Variants in NPHP4 observed in about 807,000 individuals in gnomAD.
The protein encoded by NPHP4 is nephrocystin 4, also known as nephrocystin-4.
NPHP4 carries 151 observed loss-of-function variants against 155.8 expected under a neutral mutation model. That is an observed-to-expected ratio of 0.97 (90% CI 0.85 to 1.11). NPHP4 has a LOEUF of 1.11. Among genes scored for constraint, NPHP4 ranks in the 50% least tolerant of loss-of-function variants. The pLI is 0.00. For synonymous variants in NPHP4, 845 were observed against 816.8 expected, an observed-to-expected ratio of 1.03 and a Z score of -0.59; for missense variants, 1,956 against 1,925.7, an observed-to-expected ratio of 1.02 and a Z score of -0.29.
chr1:5,870,709 G>T (rs569326467), intron 23 of NPHP4, among the ~76,000 whole-genome samples: 1 of 152,200 alleles, frequency 6.6e-6, no homozygotes, highest in South Asian at 2.1e-4. Flanking sequence ...AAAGCAACAC[G>T]GTGTCCCTCA....
intron 10 of NPHP4, among the ~76,000 whole-genome samples, chr1:5,928,475 T>C (rs569144400): frequency 1.3e-5 from 2 of 152,362 alleles, no homozygotes; most frequent in African/African-American, 4.8e-5. Context: ...AACATTTGGG[T>C]AGTTTCTGGT....
chr1:5,954,631 C>T (rs559173139), intron 6 of NPHP4, among the ~76,000 whole-genome samples: 2 of 152,314 alleles, frequency 1.3e-5, no homozygotes, highest in South Asian at 2.1e-4. Flanking sequence ...GCTGGACAAA[C>T]TGGACACCCA....
chr1:5,879,610 C>T (rs770211513), intron 19 of NPHP4: 2 of 519,208 alleles, frequency 3.9e-6, no homozygotes, highest in South Asian at 2.8e-5. Flanking sequence ...CTCCAAACAG[C>T]ACAGTCGCCT....
At chr1:5,986,110 A>T (rs759214382) in intron 2 of NPHP4, 45 bp downstream of exon 2, 3 of 1,608,314 alleles carry the variant, frequency 1.9e-6, no homozygotes, top group Non-Finnish European at 2.6e-6. Flanking sequence ...GCCTCATGTC[A>T]GCTAAGAGCA....
intron 11 of NPHP4, among the ~76,000 whole-genome samples, chr1:5,917,198 G>A (rs1221603928): frequency 6.6e-6 from 1 of 152,044 alleles, no homozygotes. Flanking sequence ...CACCAAGAAG[G>A]GTGTGTGACC....
chr1:5,865,290 G>A lies in NPHP4; in HGVS notation c.3645-17C>T. 1 of 1,526,222 alleles carries A rather than the reference G, an allele frequency of 6.6e-7. No homozygotes were observed. Among genetic ancestry groups the A allele is most frequent in the Non-Finnish European group, 8.9e-7 (1 of 1,128,572 alleles). 94.5% of individuals were successfully genotyped at this position (1,526,222 alleles called of 1,614,324 possible). A position where few individuals can be genotyped will look rare whatever the true frequency, so the allele number is the denominator to read the frequency against. On this transcript the variant is annotated splice_polypyrimidine_tract_variant and intron_variant, in intron 26 of 29. Transcript: ENST00000378156. ...CAGCGATCCCTGCAGTGGGATGGGA[G>A]CCATCTGCACTTGTCCCGGAGGACT...
chr1:5,873,895 A>C, intron 22 of NPHP4: 1 of 196,980 alleles, frequency 5.1e-6, no homozygotes. Flanking sequence ...CATCTCACAG[A>C]CCCCTACACG....
At chr1:5,913,138 T>C (rs1047320678) in intron 11 of NPHP4, among the ~76,000 whole-genome samples, 1 of 114,646 alleles carries the variant, frequency 8.7e-6, no homozygotes, top group Non-Finnish European at 1.7e-5. Flanking sequence ...GCAAAAAGAG[T>C]GAGACTCCAT....
intron 6 of NPHP4, among the ~76,000 whole-genome samples, chr1:5,956,630 G>T (rs1250279065): frequency 2.0e-5 from 3 of 152,158 alleles, no homozygotes; most frequent in Non-Finnish European, 4.4e-5. Context: ...GAGAGGCCAG[G>T]CCTGGACAAA....
At chr1:5,868,321 G>C (rs1342441800) in intron 23 of NPHP4, 1 of 322,890 alleles carries the variant, frequency 3.1e-6, no homozygotes, top group Non-Finnish European at 6.0e-6. Flanking sequence ...GGTCAAGCAC[G>C]TCAGCACAAG....
At chr1:5,887,581 G>T in intron 17 of NPHP4, 115 bp from the exon 18 acceptor site, 1 of 1,145,162 alleles carries the variant, frequency 8.7e-7, no homozygotes, top group African/African-American at 1.5e-5. Context: ...GGGCGGGAGG[G>T]GGTGTGCGCA....
intron 9 of NPHP4, among the ~76,000 whole-genome samples, chr1:5,938,620 C>T (rs768451844): frequency 1.4e-4 from 22 of 152,246 alleles, no homozygotes; most frequent in Non-Finnish European, 2.6e-4. Flanking sequence ...ACAGGCTGTG[C>T]GCTGTCATTT....
At chr1:5,985,535 C>A (rs865963838) in intron 2 of NPHP4, among the ~76,000 whole-genome samples, 1 of 152,258 alleles carries the variant, frequency 6.6e-6, no homozygotes, top group Middle Eastern at 3.2e-3. Context: ...GCGGGCCATG[C>A]TGAGCCATGC....
chr1:5,932,778 C>T (rs1333940278), intron 10 of NPHP4, among the ~76,000 whole-genome samples: 1 of 152,088 alleles, frequency 6.6e-6, no homozygotes, highest in Non-Finnish European at 1.5e-5. Flanking sequence ...AAACCAGAAC[C>T]GGCTCCCACC....
chr1:5,978,523 G>A (rs4908639), intron 2 of NPHP4, 110 bp from the exon 3 acceptor site: 1 of 967,782 alleles, frequency 1.0e-6, no homozygotes, highest in Non-Finnish European at 1.6e-6. Flanking sequence ...ATATCAGCAC[G>A]CTGGTTTCCT....
intron 7 of NPHP4, among the ~76,000 whole-genome samples, chr1:5,950,102 C>T (rs1279316026): frequency 6.6e-6 from 1 of 152,078 alleles, no homozygotes; most frequent in Non-Finnish European, 1.5e-5. Context: ...CCTAAAAGTC[C>T]AATTACACTT....
At chr1:5,864,784 G>A (rs905789591) in intron 27 of NPHP4, 8 of 531,758 alleles carry the variant, frequency 1.5e-5, no homozygotes, top group African/African-American at 5.7e-5. Flanking sequence ...TTAAAACCCC[G>A]GCCAGCTGGT....
At chr1:5,946,805 A>G (rs1570578460) in intron 9 of NPHP4, among the ~76,000 whole-genome samples, 1 of 152,364 alleles carries the variant, frequency 6.6e-6, no homozygotes, top group East Asian at 1.9e-4. Context: ...ATCAAAACCC[A>G]AAAGGACTGA....
Position 5,879,416 on chromosome 1 carries a change from C to T in NPHP4, c.2611+698G>A, listed in dbSNP as rs1642974354. On this transcript the variant is annotated intron_variant, in intron 19 of 29. Coordinates refer to ENST00000378156, the MANE Select transcript of NPHP4 (RefSeq NM_015102.5). ...ACATTTTCACCAAACCCAGGTCTTC[C>T]TCTCCAAACCAGGTCTTTCTTTCCC... 1.9e-5 allele frequency: 8 copies of T among 424,278 alleles called. 1 individual carries two copies. Among genetic ancestry groups the T allele is most frequent in the South Asian group, 1.5e-4 (8 of 55,092 alleles). 26.3% of individuals were successfully genotyped at this position (424,278 alleles called of 1,614,324 possible).
Sources: gnomAD v4.1 joint callset for allele counts (sites outside exome capture counted in the v4.1 genomes callset) on GRCh38, gnomAD v4.1.1 for gene constraint, MANE v1.5 for transcripts, NCBI Gene and HGNC (gene_info 2026-07-23, HGNC 2026-07-21) for gene names.